Variants in MYRIP observed in about 807,000 individuals in gnomAD.
MYRIP encodes the protein rab effector MyRIP.
Under a neutral mutation model 98.0 loss-of-function variants are expected in MYRIP, and 49 were observed. The ratio of observed to expected loss-of-function variants is 0.50; its 90% confidence interval spans 0.40 to 0.63. The LOEUF (loss-of-function observed/expected upper bound fraction) is 0.63, where lower values mean the gene tolerates loss of function less well. MYRIP is among the 30% of genes least tolerant of loss of function. The probability of loss-of-function intolerance (pLI) is 0.00; values close to 1 mark genes in which losing one functional copy is unlikely to be tolerated. For missense variants in MYRIP, 1,004 were observed against 1,058.2 expected (o/e 0.95, Z 0.71); for synonymous variants, 404 against 409.5 (o/e 0.99, Z 0.16).
intron 1 of MYRIP, among the ~76,000 whole-genome samples, chr3:39,887,410 T>C (rs1045281030): frequency 2.0e-5 from 3 of 152,150 alleles, no homozygotes; most frequent in African/African-American, 7.2e-5. Context: ...AGCTGGTTTT[T>C]TGAAAGGATC....
chr3:39,895,198 T>TC (rs1943575198), intron 1 of MYRIP, among the ~76,000 whole-genome samples: 1 of 152,026 alleles, frequency 6.6e-6, no homozygotes, highest in South Asian at 2.1e-4. Flanking sequence ...TTTTTTCTTT[T>TC]TTTTTTGAGG....
chr3:39,876,961 C>T (rs778859858), intron 1 of MYRIP, among the ~76,000 whole-genome samples: 5 of 152,178 alleles, frequency 3.3e-5, no homozygotes, highest in African/African-American at 4.8e-5. Context: ...TGATTCTCCC[C>T]GTCGCTTTCA....
At chr3:40,080,536 A>G (rs1948451705) in intron 3 of MYRIP, among the ~76,000 whole-genome samples, 1 of 152,006 alleles carries the variant, frequency 6.6e-6, no homozygotes, top group African/African-American at 2.4e-5. Flanking sequence ...TTTTATTTTG[A>G]GTTGGTTTCT....
At chr3:39,998,635 A>C (rs1946432865) in intron 2 of MYRIP, among the ~76,000 whole-genome samples, 1 of 152,116 alleles carries the variant, frequency 6.6e-6, no homozygotes, top group Admixed American at 6.5e-5. Flanking sequence ...TGCCATCCCC[A>C]TCAAGCTACC....
intron 1 of MYRIP, among the ~76,000 whole-genome samples, chr3:39,846,286 T>C (rs1284876475): frequency 6.6e-6 from 1 of 152,166 alleles, no homozygotes; most frequent in African/African-American, 2.4e-5. Flanking sequence ...CCTTTAATCT[T>C]AGTTCATTAA....
chr3:40,140,474 T>C (rs1001434824), intron 3 of MYRIP, among the ~76,000 whole-genome samples: 2 of 152,232 alleles, frequency 1.3e-5, no homozygotes, highest in Non-Finnish European at 2.9e-5. Context: ...TTTGGATAAA[T>C]TCCCAGTAGT....
chr3:40,157,564 G>T (rs1196226267), intron 4 of MYRIP, among the ~76,000 whole-genome samples: 4 of 145,934 alleles, frequency 2.7e-5, no homozygotes, highest in Non-Finnish European at 6.1e-5. Context: ...AGTTTCAGAA[G>T]GAATGGTACC....
chr3:40,080,112 G>A (rs1429449166), intron 3 of MYRIP, among the ~76,000 whole-genome samples: 1 of 152,184 alleles, frequency 6.6e-6, no homozygotes, highest in Non-Finnish European at 1.5e-5. Flanking sequence ...GAGATTGGCT[G>A]TAGGGAGTTT....
intron 2 of MYRIP, among the ~76,000 whole-genome samples, chr3:40,019,104 C>T (rs1946933950): frequency 6.6e-6 from 1 of 152,214 alleles, no homozygotes; most frequent in South Asian, 2.1e-4. Flanking sequence ...AATCCATTCT[C>T]TTGTGTCAGA....
intron 2 of MYRIP, among the ~76,000 whole-genome samples, chr3:39,996,331 G>C (rs1195838439): frequency 1.3e-5 from 2 of 152,150 alleles, no homozygotes; most frequent in Non-Finnish European, 2.9e-5. Context: ...TAAAGGGATG[G>C]AGGAAGATCT....
intron 2 of MYRIP, among the ~76,000 whole-genome samples, chr3:39,903,950 T>G (rs1470324127): frequency 1.3e-5 from 2 of 152,206 alleles, no homozygotes; most frequent in Non-Finnish European, 2.9e-5. Flanking sequence ...TGTGTTCAAA[T>G]CAGAATCCAA....
chr3:39,875,505 G>C (rs1230317487), intron 1 of MYRIP, among the ~76,000 whole-genome samples: 1 of 151,846 alleles, frequency 6.6e-6, no homozygotes, highest in Non-Finnish European at 1.5e-5. Context: ...TCTACATCCT[G>C]CTTTGAATGC....
chr3:39,867,578 G>A (rs1013882969), intron 1 of MYRIP, among the ~76,000 whole-genome samples: 1 of 152,138 alleles, frequency 6.6e-6, no homozygotes, highest in Non-Finnish European at 1.5e-5. Flanking sequence ...TCACAGAAAT[G>A]CAAAGAAAAC....
Position 40,166,981 on chromosome 3 carries a change from T to G in MYRIP, c.648+38T>G, listed in dbSNP as rs773577880. ...CTGCTCCTCTCTGTGGGGGGAGGTG[T>G]GGGTTGGGGTCCTTGCTGCCAGGAG... On this transcript the variant is annotated intron_variant, in intron 6 of 16. Transcript: ENST00000302541. The G allele has an allele frequency of 7.2e-6, 11 of 1,519,928 alleles. No individual in the cohort carries two copies. In the African/African-American group the frequency reaches 1.1e-4, roughly 15 times the overall value. 94.2% of individuals were successfully genotyped at this position (1,519,928 alleles called of 1,614,324 possible).
chr3:40,031,100 T>C (rs964421326), intron 2 of MYRIP, among the ~76,000 whole-genome samples: 4 of 152,068 alleles, frequency 2.6e-5, no homozygotes, highest in African/African-American at 9.7e-5. Flanking sequence ...AAAAGAAATG[T>C]ATTTCTCACA....
chr3:39,877,296 C>T (rs1008110295), intron 1 of MYRIP, among the ~76,000 whole-genome samples: 7 of 152,044 alleles, frequency 4.6e-5, no homozygotes, highest in East Asian at 3.9e-4. Context: ...AATGTCCTCC[C>T]GTAGCTCAGA....
At chr3:40,035,521 C>A (rs1947360379) in intron 2 of MYRIP, among the ~76,000 whole-genome samples, 1 of 151,924 alleles carries the variant, frequency 6.6e-6, no homozygotes, top group South Asian at 2.1e-4. Context: ...TTAATAGATG[C>A]AACCAATAGA....
intron 4 of MYRIP, among the ~76,000 whole-genome samples, chr3:40,156,367 C>G (rs932124367): frequency 6.6e-6 from 1 of 152,144 alleles, no homozygotes; most frequent in Non-Finnish European, 1.5e-5. Flanking sequence ...TGTTTTGGTA[C>G]CAGTACCATG....
At chr3:40,098,772 G>GTGTGTGTGTT (rs2125889664) in intron 3 of MYRIP, among the ~76,000 whole-genome samples, 1 of 150,924 alleles carries the variant, frequency 6.6e-6, no homozygotes, top group South Asian at 2.1e-4. Flanking sequence ...GTGTGTGTGT[G>GTGTGTGTGTT]TGTGTGTCTT....
Sources: allele counts gnomAD v4.1 joint callset (sites outside exome capture counted in the v4.1 genomes callset), GRCh38; gene constraint gnomAD v4.1.1; transcripts MANE v1.5; gene names NCBI Gene and HGNC (gene_info 2026-07-23, HGNC 2026-07-21).